CCDC81: variants seen among roughly 807,000 people sequenced by gnomAD.
CCDC81 encodes the protein coiled-coil domain containing 81, also known as coiled-coil domain-containing protein 81.
In CCDC81, 79 loss-of-function variants were observed where a neutral mutation model predicts 83.7. That is an observed-to-expected ratio of 0.94 (90% CI 0.79 to 1.14). CCDC81 has a LOEUF of 1.14. Ranked by LOEUF, CCDC81 falls within the 50% of genes most tolerant of loss-of-function variation. CCDC81 has a pLI of 0.00. For missense variants in CCDC81, 791 were observed against 778.1 expected (o/e 1.02, Z -0.20); for synonymous variants, 252 against 278.1 (o/e 0.91, Z 0.93).
At chr11:86,405,414 T>A (rs1378237632) in intron 7 of CCDC81, among the ~76,000 whole-genome samples, 1 of 152,206 alleles carries the variant, frequency 6.6e-6, no homozygotes. Context: ...TAGCTTATAT[T>A]TGGATGTTTT....
chr11:86,387,998 A>G (rs1948268873), intron 3 of CCDC81, among the ~76,000 whole-genome samples: 1 of 152,358 alleles, frequency 6.6e-6, no homozygotes, highest in African/African-American at 2.4e-5. Context: ...AAAGAAGAGA[A>G]AGTTAATTAG....
intron 3 of CCDC81, 34 bp from the exon 4 acceptor site, chr11:86,392,507 C>T (rs781340466): frequency 1.7e-5 from 27 of 1,542,988 alleles, no homozygotes; most frequent in Non-Finnish European, 6.1e-6. Context: ...TCACCACTTT[C>T]TTTCTCCCAC....
At chr11:86,401,999 G>T (rs1408739350) in intron 7 of CCDC81, among the ~76,000 whole-genome samples, 3 of 151,920 alleles carry the variant, frequency 2.0e-5, no homozygotes, top group Non-Finnish European at 4.4e-5. Flanking sequence ...CCCGGGTGTG[G>T]TGGTGAGCGC....
At chr11:86,397,522 G>T in intron 5 of CCDC81, 99 bp from the exon 6 acceptor site, 1 of 1,429,256 alleles carries the variant, frequency 7.0e-7, no homozygotes, top group Non-Finnish European at 9.4e-7. Flanking sequence ...GCTTATTTCA[G>T]AATCAGCCAG....
intron 3 of CCDC81, among the ~76,000 whole-genome samples, chr11:86,392,314 T>G (rs1438058584): frequency 1.3e-5 from 2 of 152,230 alleles, no homozygotes; most frequent in African/African-American, 2.4e-5. Flanking sequence ...GTTCTTATTT[T>G]GAGCATTGAA....
rs1394569567 is a variant in CCDC81 at position 86,412,990 on chromosome 11, G to A, written c.1391+431G>A. ...GGAGAGAGGGCTTTCTGTATCCGAGGGTTCTTGCCTTGGTGTACCAGAAGA... is the reference window on the plus strand; with the variant it reads ...GGAGAGAGGGCTTTCTGTATCCGAGAGTTCTTGCCTTGGTGTACCAGAAGA... On this transcript the variant is annotated intron_variant, in intron 11 of 14. Transcript: ENST00000445632. 7.9e-5 allele frequency among the ~76,000 whole-genome samples: 12 copies of A among 152,282 alleles called. No individual in the cohort carries two copies. In the South Asian group the frequency reaches 2.5e-3, roughly 32 times the overall value.
At chr11:86,392,471 G>A (rs1349334298) in intron 3 of CCDC81, 70 bp from the exon 4 acceptor site, 8 of 1,467,710 alleles carry the variant, frequency 5.5e-6, no homozygotes, top group East Asian at 5.0e-5. Flanking sequence ...TTATTTGTGA[G>A]TGTGTATGAT....
chr11:86,380,309 T>C (rs1948160063), intron 1 of CCDC81, among the ~76,000 whole-genome samples: 1 of 152,194 alleles, frequency 6.6e-6, no homozygotes, highest in African/African-American at 2.4e-5. Context: ...AGTAGTTCAA[T>C]ATAATTCTCA....
chr11:86,422,468 C>G, intron 14 of CCDC81, 106 bp from the exon 15 acceptor site: 1 of 969,788 alleles, frequency 1.0e-6, no homozygotes, highest in Non-Finnish European at 1.6e-6. Context: ...GCAGAGAACG[C>G]AAGGTGTCAC....
chr11:86,415,106 C>T lies in CCDC81; in HGVS notation c.1484C>T (p.Pro495Leu). 1 of 1,613,998 alleles carries T rather than the reference C, an allele frequency of 6.2e-7. No homozygotes were observed. The highest frequency in any genetic ancestry group is 1.7e-4 in the Middle Eastern group (1 of 6,060). ...RALDAQIKNK[P>L]SRLPPFEPDS... ...TCTCTGTTTAAGATAAAGAACAAACCCTCTCGGCTGCCCCCCTTTGAGCCA... is the reference window on the plus strand; with the variant it reads ...TCTCTGTTTAAGATAAAGAACAAACTCTCTCGGCTGCCCCCCTTTGAGCCA... The change falls in exon 13 of 15, where the codon CCC becomes CTC. Residue 495 changes from proline (P) to leucine (L), a missense_variant. Physicochemically the swap from Pro to Leu is moderately conservative, Grantham distance 98. Coordinates refer to ENST00000445632, the MANE Select transcript of CCDC81 (RefSeq NM_001156474.2).
At chr11:86,391,902 C>G (rs1818290441) in intron 3 of CCDC81, among the ~76,000 whole-genome samples, 1 of 152,120 alleles carries the variant, frequency 6.6e-6, no homozygotes, top group South Asian at 2.1e-4. Flanking sequence ...GCAGAAGGTG[C>G]AGGGGAAGCA....
At chr11:86,376,962 A>C (rs1224596950) in intron 1 of CCDC81, among the ~76,000 whole-genome samples, 3 of 152,188 alleles carry the variant, frequency 2.0e-5, no homozygotes, top group African/African-American at 7.2e-5. Flanking sequence ...CCCTAATCCC[A>C]AAATCTGGAA....
chr11:86,416,772 T>G (rs930063673), intron 13 of CCDC81, among the ~76,000 whole-genome samples: 1 of 152,210 alleles, frequency 6.6e-6, no homozygotes, highest in African/African-American at 2.4e-5. Context: ...CTGGTCCTTC[T>G]CTGGTTCATC....
chr11:86,403,746 A>G (rs1426639304), intron 7 of CCDC81, among the ~76,000 whole-genome samples: 1 of 152,134 alleles, frequency 6.6e-6, no homozygotes, highest in Non-Finnish European at 1.5e-5. Flanking sequence ...TTTCTGTTTT[A>G]TATTATTGGG....
At position 86,409,283 on chromosome 11, in the gene CCDC81, A is replaced by G; in HGVS notation, c.1136A>G (p.Glu379Gly). The G allele has an allele frequency of 6.6e-7, 1 of 1,511,764 alleles. No individual in the cohort carries two copies. The highest frequency in any genetic ancestry group is 8.8e-7 in the Non-Finnish European group (1 of 1,130,346). 93.6% of individuals were successfully genotyped at this position (1,511,764 alleles called of 1,614,324 possible). A position where few individuals can be genotyped will look rare whatever the true frequency, so the allele number is the denominator to read the frequency against. Residue 379 changes from glutamate (E) to glycine (G), a missense_variant, in exon 10 of 15, where the codon GAA (glutamate) becomes GGA (glycine). Transcript: ENST00000445632. ...RHQMKSLATR[E>G]QNQKNAAYNL... The stretch of plus-strand genomic sequence containing the variant: ...TAGATGAAAAGTCTGGCTACTAGAG[A>G]ACAGAATCAGAAAAATGCTGCCTAT...
chr11:86,386,885 G>A (rs1948249159), intron 2 of CCDC81, among the ~76,000 whole-genome samples: 1 of 152,140 alleles, frequency 6.6e-6, no homozygotes, highest in Non-Finnish European at 1.5e-5. Context: ...CCTTTAGACG[G>A]GGTGTGCAGT....
intron 1 of CCDC81, among the ~76,000 whole-genome samples, chr11:86,382,651 C>T (rs1324560954): frequency 6.6e-6 from 1 of 152,054 alleles, no homozygotes; most frequent in East Asian, 1.9e-4. Context: ...GGGAATCATC[C>T]TGAGTGTGGG....
At chr11:86,401,992 G>GGGTGT (rs1948496226) in intron 7 of CCDC81, among the ~76,000 whole-genome samples, 1 of 151,788 alleles carries the variant, frequency 6.6e-6, no homozygotes, top group South Asian at 2.1e-4. Context: ...AAAATTACCC[G>GGGTGT]GGTGTGGTGG....
intron 1 of CCDC81, among the ~76,000 whole-genome samples, chr11:86,375,900 T>A (rs1948092694): frequency 6.6e-6 from 1 of 152,218 alleles, no homozygotes; most frequent in African/African-American, 2.4e-5. Context: ...AACTTAGAGA[T>A]GTTGCTTAGG....
Sources: allele counts gnomAD v4.1 joint callset (sites outside exome capture counted in the v4.1 genomes callset), GRCh38; gene constraint gnomAD v4.1.1; transcripts MANE v1.5; gene names NCBI Gene and HGNC (gene_info 2026-07-23, HGNC 2026-07-21).